The following RPS6KC1 variants were observed in gnomAD, a reference collection of about 807,000 sequenced individuals.
RPS6KC1 encodes inactive ribosomal protein S6 kinase delta-1.
RPS6KC1 carries 54 observed loss-of-function variants against 103.8 expected under a neutral mutation model. That is an observed-to-expected ratio of 0.52 (90% CI 0.42 to 0.65). RPS6KC1 has a LOEUF of 0.65. Ranked by LOEUF, RPS6KC1 falls within the 30% of genes least tolerant of loss-of-function variation. The pLI is 0.00. For synonymous variants in RPS6KC1, 439 were observed against 438.7 expected (o/e 1.00, Z -0.01); for missense variants, 1,151 against 1,253.8 (o/e 0.92, Z 1.24).
chr1:213,473,032 G>A, the RPS6KC1 span, among the ~76,000 whole-genome samples: 2,094 of 152,330 alleles, frequency 0.014, 51 homozygotes, highest in African/African-American at 0.048. Flanking sequence ...TTTGGGAGAT[G>A]TCTTCAGAGT....
the RPS6KC1 span, among the ~76,000 whole-genome samples, chr1:213,369,363 T>C: frequency 0.059 from 9,051 of 152,256 alleles, 686 homozygotes; most frequent in East Asian, 0.19. Context: ...TTCAAATACC[T>C]AGAGTAGGAG....
At chr1:213,207,521 G>A (rs113166775) in intron 8 of RPS6KC1, among the ~76,000 whole-genome samples, 1,830 of 152,154 alleles carry the variant, frequency 0.012, 42 homozygotes, top group African/African-American at 0.041. Flanking sequence ...CAACCTGTAA[G>A]CTATCTTCCC....
chr1:213,189,448 CAAAAAAAA>C (rs35941412), intron 8 of RPS6KC1, among the ~76,000 whole-genome samples: 2 of 103,576 alleles, frequency 1.9e-5, no homozygotes, highest in Non-Finnish European at 3.9e-5. Flanking sequence ...GCCTTTGTCT[CAAAAAAAA>C]AAAAAAAAAA....
the RPS6KC1 span, among the ~76,000 whole-genome samples, chr1:213,857,481 C>T: frequency 2.6e-5 from 4 of 152,312 alleles, no homozygotes; most frequent in South Asian, 8.3e-4. Flanking sequence ...CACACTGCAA[C>T]CAGACGGCAG....
chr1:213,696,287 G>T, the RPS6KC1 span, among the ~76,000 whole-genome samples: 1 of 151,924 alleles, frequency 6.6e-6, no homozygotes. Context: ...ATCACCTGAG[G>T]TCAGGAGTTT....
At chr1:213,571,818 G>T in the RPS6KC1 span, among the ~76,000 whole-genome samples, 1 of 152,164 alleles carries the variant, frequency 6.6e-6, no homozygotes, top group African/African-American at 2.4e-5. Flanking sequence ...CAGGGGCAGT[G>T]CTCCCCAAAC....
the RPS6KC1 span, among the ~76,000 whole-genome samples, chr1:213,484,241 C>T: frequency 6.6e-6 from 1 of 152,174 alleles, no homozygotes; most frequent in South Asian, 2.1e-4. Flanking sequence ...GATGAAAACA[C>T]CAAAATTTAT....
At chr1:213,288,501 T>C in the RPS6KC1 span, among the ~76,000 whole-genome samples, 1 of 152,256 alleles carries the variant, frequency 6.6e-6, no homozygotes, top group Non-Finnish European at 1.5e-5. Context: ...AGTTTCCTGC[T>C]TTTAACTTAT....
the RPS6KC1 span, among the ~76,000 whole-genome samples, chr1:213,511,295 G>A: frequency 1.9e-4 from 29 of 152,166 alleles, no homozygotes; most frequent in African/African-American, 7.0e-4. Context: ...GTGCCTTTGG[G>A]AACTGGCTCT....
the RPS6KC1 span, among the ~76,000 whole-genome samples, chr1:213,586,847 C>G: frequency 6.6e-6 from 1 of 152,222 alleles, no homozygotes; most frequent in South Asian, 2.1e-4. Flanking sequence ...GGTTCCCACA[C>G]TGGCCTTATT....
the RPS6KC1 span, among the ~76,000 whole-genome samples, chr1:213,478,516 T>A: frequency 3.3e-5 from 5 of 152,194 alleles, no homozygotes; most frequent in African/African-American, 1.2e-4. Context: ...CTCCAAAGCC[T>A]CACCAGTATT....
chr1:213,730,016 A>G, the RPS6KC1 span, among the ~76,000 whole-genome samples: 1 of 152,096 alleles, frequency 6.6e-6, no homozygotes, highest in Non-Finnish European at 1.5e-5. Context: ...TAAGTGAGAG[A>G]ATGCTGTGTT....
chr1:213,591,359 T>C, the RPS6KC1 span, among the ~76,000 whole-genome samples: 1 of 152,140 alleles, frequency 6.6e-6, no homozygotes, highest in Non-Finnish European at 1.5e-5. Context: ...CACTCTATCT[T>C]TTGTTATCTT....
the RPS6KC1 span, among the ~76,000 whole-genome samples, chr1:213,752,260 G>A: frequency 6.6e-6 from 1 of 151,968 alleles, no homozygotes; most frequent in Middle Eastern, 3.2e-3. Context: ...GACTAGGGTC[G>A]GCAAATCTTT....
At chr1:213,814,928 G>C in the RPS6KC1 span, among the ~76,000 whole-genome samples, 1 of 152,122 alleles carries the variant, frequency 6.6e-6, no homozygotes, top group East Asian at 1.9e-4. Context: ...TTCTCCATGA[G>C]TAATAATTCT....
the RPS6KC1 span, among the ~76,000 whole-genome samples, chr1:213,785,643 T>A: frequency 6.6e-6 from 1 of 152,052 alleles, no homozygotes; most frequent in Non-Finnish European, 1.5e-5. Context: ...ATGCCTGCCG[T>A]GGATGGGGAG....
chr1:213,319,055 T>C, the RPS6KC1 span, among the ~76,000 whole-genome samples: 390 of 152,292 alleles, frequency 2.6e-3, 2 homozygotes, highest in African/African-American at 8.0e-3. Context: ...CCTGTCATCC[T>C]ACCACTTTGG....
chr1:213,202,867 C>T (rs922617985), intron 8 of RPS6KC1, among the ~76,000 whole-genome samples: 4 of 152,060 alleles, frequency 2.6e-5, no homozygotes, highest in Non-Finnish European at 2.9e-5. Flanking sequence ...AACATTATTA[C>T]GCTATTCTAA....
chr1:213,193,741 A>G (rs1434824909), intron 8 of RPS6KC1, among the ~76,000 whole-genome samples: 1 of 151,980 alleles, frequency 6.6e-6, no homozygotes, highest in African/African-American at 2.4e-5. Flanking sequence ...CGATCCTCCC[A>G]CCTCAGCCTC....
Sources: gnomAD v4.1 joint callset for allele counts (sites outside exome capture counted in the v4.1 genomes callset) on GRCh38, gnomAD v4.1.1 for gene constraint, MANE v1.5 for transcripts, NCBI Gene and HGNC (gene_info 2026-07-23, HGNC 2026-07-21) for gene names.